The following NONO variants were observed in gnomAD, a reference collection of about 807,000 sequenced individuals.
NONO encodes the protein non-POU domain-containing octamer-binding protein.
In NONO, 6 loss-of-function variants were observed where a neutral mutation model predicts 40.2. That is an observed-to-expected ratio of 0.15 (90% CI 0.08 to 0.29). The LOEUF is 0.29. NONO is among the 10% of genes least tolerant of loss of function. The pLI, the probability that NONO is intolerant of heterozygous loss-of-function variation, is 1.00. For missense variants in NONO, 133 were observed against 397.8 expected (o/e 0.33, Z 5.66); for synonymous variants, 89 against 123.3 (o/e 0.72, Z 1.85).
rs1223978889 is a variant in NONO, at chrX:71,298,691, C to T, written c.1172-16C>T. On this transcript the variant is annotated splice_polypyrimidine_tract_variant and intron_variant, in intron 10 of 11. Transcript: ENST00000276079. ...CAATCTTTATCCCTTGTGCTGATCACACTACTCTGCCTTAGGTGCTATGGG... is the reference window on the plus strand; with the variant it reads ...CAATCTTTATCCCTTGTGCTGATCATACTACTCTGCCTTAGGTGCTATGGG... 1.7e-6 allele frequency: 2 copies of T among 1,184,201 alleles called. No homozygotes were observed. Among genetic ancestry groups the T allele is most frequent in the Middle Eastern group, 2.3e-4 (1 of 4,285 alleles).
chrX:71,289,920 C>T (rs965544863), intron 2 of NONO, among the ~76,000 whole-genome samples: 2 of 111,058 alleles, frequency 1.8e-5, no homozygotes, highest in Non-Finnish European at 3.8e-5. Flanking sequence ...TACAGGCGCC[C>T]GCTACCATTC....
At chrX:71,298,616 T>C in intron 10 of NONO, 91 bp from the exon 11 acceptor site, 1 of 1,059,307 alleles carries the variant, frequency 9.4e-7, no homozygotes. Context: ...ATGTCTTACT[T>C]AGCCCAGAGG....
intron 1 of NONO, chrX:71,284,189 C>T (rs910064843): frequency 1.8e-5 from 2 of 112,509 alleles, no homozygotes; most frequent in African/African-American, 6.5e-5. Context: ...CTGGAAAGTT[C>T]CTCTGCATAT....
At chrX:71,289,274 T>A (rs958278994) in intron 2 of NONO, among the ~76,000 whole-genome samples, 4 of 111,707 alleles carry the variant, frequency 3.6e-5, no homozygotes, top group Non-Finnish European at 5.6e-5. Context: ...TATTATTTTT[T>A]AAATTTTTTA....
intron 11 of NONO, among the ~76,000 whole-genome samples, chrX:71,299,538 C>T (rs1264275927): frequency 8.9e-6 from 1 of 112,531 alleles, no homozygotes; most frequent in African/African-American, 3.2e-5. Flanking sequence ...ATGGCTCATG[C>T]AATCCTGGGG....
At chrX:71,285,784 A>C (rs2031175360) in intron 2 of NONO, among the ~76,000 whole-genome samples, 1 of 111,552 alleles carries the variant, frequency 9.0e-6, no homozygotes, top group Admixed American at 9.6e-5. Flanking sequence ...AATCATGGAT[A>C]TGTCCAAAGA....
At position 71,300,173 on chromosome X, in the gene NONO, A is replaced by G. The variant is rs1202971562; in HGVS notation, c.*97A>G. The G allele has an allele frequency of 2.0e-6, 2 of 1,011,695 alleles. No individual in the cohort carries two copies. Among genetic ancestry groups the G allele is most frequent in the African/African-American group, 3.8e-5 (2 of 53,077 alleles). 83.4% of individuals were successfully genotyped at this position (1,011,695 alleles called of 1,213,427 possible). ...TGGAAAAGTGTTAGGGATTCCTTCC[A>G]ATAGTTAGATCTACCCTGCCTGTAC... On this transcript the variant is annotated 3_prime_UTR_variant, in exon 12 of 12. Transcript: ENST00000276079.
chrX:71,300,387 G>GT lies in NONO; in HGVS notation c.*325dup, dbSNP rs34459863. Reference sequence around the variant, plus strand: ...GAGCCCATTAATCTTGATCATTCCGGTTTTTTTTTTTTTTGTCCATCTTGT... The same window carrying GT: ...GAGCCCATTAATCTTGATCATTCCGGTTTTTTTTTTTTTTTGTCCATCTTGT... On this transcript the variant is annotated 3_prime_UTR_variant, in exon 12 of 12. Coordinates refer to ENST00000276079, the MANE Select transcript of NONO (RefSeq NM_007363.5). The GT allele has an allele frequency of 0.18, 37,501 of 208,447 alleles. 618 individuals carry two copies. Among genetic ancestry groups the GT allele is most frequent in the Admixed American group, 0.3 (3,790 of 12,431 alleles). The allele number at this position is 208,447 out of a possible 1,213,427, so 17.2% of individuals were successfully genotyped here. A position where few individuals can be genotyped will look rare whatever the true frequency, so the allele number is the denominator to read the frequency against.
rs1037968613 is a variant in NONO at position 71,286,343 on chromosome X, C to T, written c.-10+1890C>T. Among the ~76,000 whole-genome samples, 4 of 111,352 alleles carry T rather than the reference C, an allele frequency of 3.6e-5. No individual in the cohort carries two copies. The Admixed American group carries it at 3.9e-4, about 11-fold the overall frequency. ...CCCATTTTTATTTATTTTCCCATAG[C>T]ACTTACCTCTTAAGTACTATATAAT... is the stretch of plus-strand genomic sequence containing the variant. On this transcript the variant is annotated intron_variant, in intron 2 of 11. Coordinates refer to ENST00000276079, the MANE Select transcript of NONO (RefSeq NM_007363.5).
At chrX:71,299,865 C>T in intron 11 of NONO, 77 bp from the exon 12 acceptor site, 2 of 1,131,188 alleles carry the variant, frequency 1.8e-6, no homozygotes, top group South Asian at 3.9e-5. Flanking sequence ...AAATAGCCTC[C>T]AGTGGAGGGA....
At chrX:71,298,416 G>T (rs1290078413) in intron 9 of NONO, 53 bp from the exon 10 acceptor site, 1 of 1,053,801 alleles carries the variant, frequency 9.5e-7, no homozygotes, top group Non-Finnish European at 1.3e-6. Context: ...TTGATGGATT[G>T]TGGTAGAATG....
In NONO at chrX:71,284,394, CAG is replaced by C. The variant is rs1468813750; in HGVS notation, c.-65_-64del. 1.8e-5 allele frequency: 2 copies of C among 111,864 alleles called. No homozygotes were observed. Among genetic ancestry groups the C allele is most frequent in the Non-Finnish European group, 3.8e-5 (2 of 53,211 alleles). 9.2% of individuals were successfully genotyped at this position (111,864 alleles called of 1,213,427 possible). ...CTGACACGTTTCTTTGTGTTTTTAA[CAG>C]AGAAGTCGAGGTTAGAGGGAACTGG... On this transcript the variant is annotated splice_acceptor_variant, in intron 1 of 11. Coordinates refer to ENST00000276079, the MANE Select transcript of NONO (RefSeq NM_007363.5). LOFTEE classifies it low-confidence loss of function (5UTR_SPLICE).
Position 71,296,909 on chromosome X carries a change from A to G in NONO, c.805A>G (p.Met269Val). ...TGGCTCCTTTGAGTATGAATATGCC[A>G]TGCGCTGGAAGGCACTCATTGAGAT... is the stretch of plus-strand genomic sequence containing the variant. ...QPGSFEYEYA[M>V]RWKALIEMEK... Residue 269 changes from methionine (M) to valine (V), a missense_variant, in exon 7 of 12, where the codon ATG (methionine) becomes GTG (valine). Transcript: ENST00000276079. 1 of 1,210,625 alleles carries G rather than the reference A, an allele frequency of 8.3e-7. No homozygotes were observed. The highest frequency in any genetic ancestry group is 1.1e-6 in the Non-Finnish European group (1 of 894,860).
Position 71,300,629 on chromosome X carries a change from T to C in NONO, c.*553T>C. 1 of 185,710 alleles carries C rather than the reference T, an allele frequency of 5.4e-6. No individual in the cohort carries two copies. The highest frequency in any genetic ancestry group is 1.0e-5 in the Non-Finnish European group (1 of 98,148). The allele number at this position is 185,710 out of a possible 1,213,427, so 15.3% of individuals were successfully genotyped here. ...CGTGCCCAACCTCACTTGCTTCTTA[T>C]CCTTACACTCCCCCAGCCCCAGAGA... On this transcript the variant is annotated 3_prime_UTR_variant, in exon 12 of 12. Transcript: ENST00000276079.
chrX:71,297,740 AG>A (rs1449718684), intron 8 of NONO, 95 bp from the exon 9 acceptor site: 36 of 643,832 alleles, frequency 5.6e-5, no homozygotes, highest in Non-Finnish European at 8.1e-5. Flanking sequence ...GTGAACTGAT[AG>A]TTTTCAGTAG....
intron 2 of NONO, among the ~76,000 whole-genome samples, chrX:71,286,308 GC>G: frequency 9.0e-6 from 1 of 111,036 alleles, no homozygotes; most frequent in Middle Eastern, 4.6e-3. Flanking sequence ...TATCCACTTT[GC>G]CTTCCTCCCC....
chrX:71,299,603 TTTTG>T (rs954117593), intron 11 of NONO, among the ~76,000 whole-genome samples: 13 of 111,869 alleles, frequency 1.2e-4, no homozygotes, highest in African/African-American at 4.2e-4. Context: ...TTGTTTCTGT[TTTTG>T]TTTTTCTTTT....
At chrX:71,284,694 G>A (rs1420798227) in intron 2 of NONO, among the ~76,000 whole-genome samples, 2 of 111,966 alleles carry the variant, frequency 1.8e-5, no homozygotes, top group Non-Finnish European at 3.8e-5. Context: ...AAAGTCCTAA[G>A]AAACTCTTAG....
In NONO at chrX:71,296,500, A is replaced by G. The variant is rs775677900; in HGVS notation, c.651-65A>G. The G allele has an allele frequency of 2.1e-5, 15 of 719,993 alleles. No individual in the cohort carries two copies. In the South Asian group the frequency reaches 3.7e-4, roughly 18 times the overall value. The allele number at this position is 719,993 out of a possible 1,213,427, so 59.3% of individuals were successfully genotyped here. A position where few individuals can be genotyped will look rare whatever the true frequency, so the allele number is the denominator to read the frequency against. ...CTAGCTAATTCATTGTGCCAGTGAC[A>G]TGTGTAGAGAAGAAGCCTGGTGGGG... On this transcript the variant is annotated intron_variant, in intron 5 of 11. Coordinates refer to ENST00000276079, the MANE Select transcript of NONO (RefSeq NM_007363.5).
Sources: allele counts gnomAD v4.1 joint callset (sites outside exome capture counted in the v4.1 genomes callset), GRCh38; gene constraint gnomAD v4.1.1; transcripts MANE v1.5; gene names NCBI Gene and HGNC (gene_info 2026-07-23, HGNC 2026-07-21).